PTPRT: variants seen among roughly 807,000 people sequenced by gnomAD.
The protein encoded by PTPRT is receptor-type tyrosine-protein phosphatase T.
In PTPRT, 56 loss-of-function variants were observed where a neutral mutation model predicts 176.8. The ratio of observed to expected loss-of-function variants is 0.32; its 90% confidence interval spans 0.26 to 0.40. The LOEUF is 0.40. Among genes scored for constraint, PTPRT ranks in the 10% least tolerant of loss-of-function variants. The probability of loss-of-function intolerance (pLI) is 1.00; values close to 1 mark genes in which losing one functional copy is unlikely to be tolerated. For synonymous variants in PTPRT, 783 were observed against 739.0 expected (o/e 1.06, Z -0.96); for missense variants, 1,540 against 1,908.2 (o/e 0.81, Z 3.60).
At chr20:42,209,056 T>A in intron 15 of PTPRT, among the ~76,000 whole-genome samples, 1 of 151,978 alleles carries the variant, frequency 6.6e-6, no homozygotes, top group African/African-American at 2.4e-5. Context: ...ACTGGGTACA[T>A]AACGAAATGA....
At chr20:43,030,032 T>C (rs1184691842) in intron 1 of PTPRT, among the ~76,000 whole-genome samples, 3 of 152,212 alleles carry the variant, frequency 2.0e-5, no homozygotes, top group Non-Finnish European at 4.4e-5. Context: ...GAACATTTAT[T>C]TTCAGAGGTT....
At chr20:42,948,805 A>G (rs1289353901) in intron 1 of PTPRT, among the ~76,000 whole-genome samples, 3 of 152,194 alleles carry the variant, frequency 2.0e-5, no homozygotes, top group Admixed American at 1.3e-4. Context: ...GATAACCAAC[A>G]ACCCCAGCTA....
At chr20:42,650,450 C>G (rs2075009144) in intron 7 of PTPRT, among the ~76,000 whole-genome samples, 1 of 152,176 alleles carries the variant, frequency 6.6e-6, no homozygotes, top group Admixed American at 6.5e-5. Context: ...ATAAATCTGT[C>G]ACCTCCATCA....
At chr20:42,544,020 G>A (rs948101041) in intron 7 of PTPRT, among the ~76,000 whole-genome samples, 14 of 152,244 alleles carry the variant, frequency 9.2e-5, no homozygotes, top group Non-Finnish European at 1.6e-4. Context: ...TAGATTTAGC[G>A]TAGTGTTTAA....
At chr20:42,510,001 C>T (rs1475185533) in intron 7 of PTPRT, among the ~76,000 whole-genome samples, 1 of 152,058 alleles carries the variant, frequency 6.6e-6, no homozygotes, top group Non-Finnish European at 1.5e-5. Context: ...TGTCACCTCA[C>T]CTGAATCCTA....
chr20:42,796,582 G>A (rs188719433), intron 2 of PTPRT, among the ~76,000 whole-genome samples: 196 of 152,322 alleles, frequency 1.3e-3, no homozygotes, highest in Admixed American at 5.1e-3. Flanking sequence ...TTCCTTGCCC[G>A]AGCTGTACAG....
At chr20:43,103,363 AC>A (rs2012469658) in intron 1 of PTPRT, among the ~76,000 whole-genome samples, 1 of 152,132 alleles carries the variant, frequency 6.6e-6, no homozygotes, top group Admixed American at 6.5e-5. Context: ...TACAATAGGA[AC>A]CTACACTCTT....
intron 6 of PTPRT, among the ~76,000 whole-genome samples, chr20:42,754,272 G>A (rs928858930): frequency 2.0e-5 from 3 of 152,170 alleles, no homozygotes; most frequent in Non-Finnish European, 2.9e-5. Context: ...CACAACCTCC[G>A]TCTCCTGGGT....
chr20:42,947,739 C>T (rs114639991), intron 1 of PTPRT, among the ~76,000 whole-genome samples: 190 of 152,304 alleles, frequency 1.2e-3, no homozygotes, highest in African/African-American at 4.3e-3. Flanking sequence ...TGTCCACCCT[C>T]ATACCTTTCA....
intron 7 of PTPRT, among the ~76,000 whole-genome samples, chr20:42,558,178 C>A (rs1041162783): frequency 1.3e-5 from 2 of 152,068 alleles, no homozygotes; most frequent in Admixed American, 1.3e-4. Flanking sequence ...GTGTGTTGTT[C>A]CCCTCTATGT....
At chr20:42,858,319 G>A (rs1313899305) in intron 2 of PTPRT, among the ~76,000 whole-genome samples, 1 of 152,184 alleles carries the variant, frequency 6.6e-6, no homozygotes, top group African/African-American at 2.4e-5. Flanking sequence ...CAGAGTGAGT[G>A]GATGAAAAAT....
intron 11 of PTPRT, among the ~76,000 whole-genome samples, chr20:42,341,911 T>G (rs1367530896): frequency 6.6e-6 from 1 of 152,196 alleles, no homozygotes; most frequent in Non-Finnish European, 1.5e-5. Context: ...TTTTCCTCCT[T>G]GGTTGGAGCC....
chr20:42,437,021 T>C (rs2059267983), intron 9 of PTPRT, among the ~76,000 whole-genome samples: 1 of 152,126 alleles, frequency 6.6e-6, no homozygotes, highest in Non-Finnish European at 1.5e-5. Flanking sequence ...ATATAAAATA[T>C]ACAGGAATTA....
intron 7 of PTPRT, among the ~76,000 whole-genome samples, chr20:42,560,806 A>G (rs765101594): frequency 1.3e-5 from 2 of 152,204 alleles, no homozygotes; most frequent in African/African-American, 2.4e-5. Flanking sequence ...GGCTTCAAGC[A>G]CAATGTGGCC....
chr20:42,121,133 C>T (rs960660860), intron 19 of PTPRT, among the ~76,000 whole-genome samples: 5 of 152,114 alleles, frequency 3.3e-5, no homozygotes, highest in Admixed American at 2.6e-4. Flanking sequence ...AGTTCTAGAC[C>T]CACTTTCTGA....
At chr20:43,160,469 G>A (rs2014662512) in intron 1 of PTPRT, among the ~76,000 whole-genome samples, 1 of 152,152 alleles carries the variant, frequency 6.6e-6, no homozygotes, top group Non-Finnish European at 1.5e-5. Context: ...TCTTTACACA[G>A]GACTTTGCTA....
intron 7 of PTPRT, among the ~76,000 whole-genome samples, chr20:42,559,929 A>G (rs1163237136): frequency 6.6e-6 from 1 of 152,228 alleles, no homozygotes; most frequent in Non-Finnish European, 1.5e-5. Context: ...ATATTTCAGC[A>G]GCATTACCGA....
At chr20:42,493,174 A>G (rs1250484824) in intron 7 of PTPRT, among the ~76,000 whole-genome samples, 3 of 152,204 alleles carry the variant, frequency 2.0e-5, no homozygotes, top group South Asian at 2.1e-4. Flanking sequence ...CTTACAAGTC[A>G]CAAAGTTCCT....
intron 2 of PTPRT, among the ~76,000 whole-genome samples, chr20:42,847,274 C>T (rs2078390235): frequency 6.6e-6 from 1 of 152,098 alleles, no homozygotes; most frequent in African/African-American, 2.4e-5. Flanking sequence ...GAGAAGATCC[C>T]CTTGAGAGGA....
Sources: allele counts gnomAD v4.1 joint callset (sites outside exome capture counted in the v4.1 genomes callset), GRCh38; gene constraint gnomAD v4.1.1; transcripts MANE v1.5; gene names NCBI Gene and HGNC (gene_info 2026-07-23, HGNC 2026-07-21).